ITPR1: variants seen among roughly 807,000 people sequenced by gnomAD.
ITPR1 encodes inositol 1,4,5-trisphosphate-gated calcium channel ITPR1.
A neutral mutation model predicts 318.4 loss-of-function variants in ITPR1; 96 were observed. That is an observed-to-expected ratio of 0.30 (90% CI 0.26 to 0.36). The LOEUF is 0.36. Ranked by LOEUF, ITPR1 falls within the 10% of genes least tolerant of loss-of-function variation. The pLI is 1.00. For synonymous variants in ITPR1, 1,312 were observed against 1,289.9 expected, an observed-to-expected ratio of 1.02 and a Z score of -0.37; for missense variants, 2,440 against 3,460.2, an observed-to-expected ratio of 0.71 and a Z score of 7.40.
At chr3:4,552,639 C>T (rs186389576) in intron 4 of ITPR1, among the ~76,000 whole-genome samples, 30 of 152,228 alleles carry the variant, frequency 2.0e-4, no homozygotes, top group Non-Finnish European at 3.5e-4. Flanking sequence ...GAAGCTGGTC[C>T]TTTTGGGTTT....
chr3:4,631,202 G>C (rs181391934), intron 5 of ITPR1, among the ~76,000 whole-genome samples: 2 of 152,322 alleles, frequency 1.3e-5, no homozygotes, highest in East Asian at 3.9e-4. Flanking sequence ...ACCCTCTGTG[G>C]TTTTGATCGA....
In ITPR1 at chr3:4,678,370, CA is replaced by C. The variant is rs1462785813; in HGVS notation, c.2967+1572del. On this transcript the variant is annotated intron_variant, in intron 24 of 61. Transcript: ENST00000649015. Reference sequence around the variant, plus strand: ...TTTGCAGGCCATGGTCCATGTGTTCCAAAGTGGTGTCTTGGACGTTTATCAG... The same window carrying C: ...TTTGCAGGCCATGGTCCATGTGTTCCAAGTGGTGTCTTGGACGTTTATCAG... Among the ~76,000 whole-genome samples, 3 of 152,000 alleles carry C rather than the reference CA, an allele frequency of 2.0e-5. No homozygotes were observed. The East Asian group carries it at 5.8e-4, about 29-fold the overall frequency.
intron 40 of ITPR1, among the ~76,000 whole-genome samples, chr3:4,724,739 G>A (rs1211045106): frequency 4.6e-5 from 7 of 152,184 alleles, no homozygotes; most frequent in Non-Finnish European, 8.8e-5. Flanking sequence ...CCTTTGTGTA[G>A]CCCCTGCATG....
rs1441412290 is a variant in ITPR1, at chr3:4,502,977, T to G, written c.-17+8471T>G. ...GTGGGCACCTGTAGTCCCAGCTACTTGGGAGGCTGAGGCAGGAGAATTGCT... is the reference window on the plus strand; with the variant it reads ...GTGGGCACCTGTAGTCCCAGCTACTGGGGAGGCTGAGGCAGGAGAATTGCT... On this transcript the variant is annotated intron_variant, in intron 2 of 61. Coordinates refer to ENST00000649015, the MANE Select transcript of ITPR1 (RefSeq NM_001378452.1). 2.0e-5 allele frequency among the ~76,000 whole-genome samples: 3 copies of G among 151,772 alleles called. No individual in the cohort carries two copies. In the South Asian group the frequency reaches 6.2e-4, roughly 32 times the overall value.
intron 44 of ITPR1, among the ~76,000 whole-genome samples, chr3:4,740,629 AG>A (rs34728261): frequency 6.6e-6 from 1 of 152,192 alleles, no homozygotes; most frequent in African/African-American, 2.4e-5. Flanking sequence ...ATGGACTCCC[AG>A]GGGTGGTGTC....
chr3:4,771,799 G>A (rs1391775252), intron 46 of ITPR1, among the ~76,000 whole-genome samples: 1 of 152,220 alleles, frequency 6.6e-6, no homozygotes, highest in East Asian at 1.9e-4. Flanking sequence ...AGATTATCCA[G>A]TTCAGTGCTT....
intron 33 of ITPR1, among the ~76,000 whole-genome samples, chr3:4,694,879 C>T (rs889967915): frequency 6.6e-6 from 1 of 152,150 alleles, no homozygotes; most frequent in Non-Finnish European, 1.5e-5. Context: ...GTTTTCCCAC[C>T]ACCCTACAGA....
chr3:4,718,039 T>C (rs552604219), intron 40 of ITPR1, among the ~76,000 whole-genome samples: 27 of 152,344 alleles, frequency 1.8e-4, no homozygotes, highest in Admixed American at 6.5e-4. Flanking sequence ...TCTGTACTTA[T>C]ATATCAAGCT....
intron 4 of ITPR1, among the ~76,000 whole-genome samples, chr3:4,607,734 G>T (rs1048575829): frequency 5.3e-5 from 8 of 152,056 alleles, no homozygotes; most frequent in Non-Finnish European, 1.2e-4. Context: ...GCGCTGAGTT[G>T]CTTCTGGGTT....
chr3:4,706,044 C>T (rs2094749728), intron 36 of ITPR1, 123 bp from the exon 37 acceptor site: 1 of 915,100 alleles, frequency 1.1e-6, no homozygotes, highest in African/African-American at 1.6e-5. Flanking sequence ...AAGCTCAATA[C>T]CAGGCAAGCT....
chr3:4,820,948 A>AG (rs2049673348), intron 60 of ITPR1, among the ~76,000 whole-genome samples: 1 of 152,172 alleles, frequency 6.6e-6, no homozygotes. Flanking sequence ...AGAGGCTACA[A>AG]GACCACCTGT....
chr3:4,763,698 C>T (rs1166250868), intron 44 of ITPR1, among the ~76,000 whole-genome samples: 3 of 152,240 alleles, frequency 2.0e-5, no homozygotes, highest in Non-Finnish European at 4.4e-5. Context: ...GCGAAACAAA[C>T]CTAGTGACCG....
At chr3:4,493,865 C>A (rs1010253481) in intron 1 of ITPR1, among the ~76,000 whole-genome samples, 7 of 150,626 alleles carry the variant, frequency 4.6e-5, no homozygotes, top group Non-Finnish European at 8.8e-5. Flanking sequence ...GAAACTGTTG[C>A]TGCAGCTGCA....
chr3:4,800,268 G>C, intron 53 of ITPR1, 157 bp from the exon 54 acceptor site: 3 of 621,594 alleles, frequency 4.8e-6, no homozygotes, highest in Non-Finnish European at 8.1e-6. Context: ...AATGCTGATG[G>C]GACTGGTTAT....
At chr3:4,716,014 G>A (rs73095823) in intron 39 of ITPR1, among the ~76,000 whole-genome samples, 32,593 of 152,098 alleles carry the variant, frequency 0.21, 4,105 homozygotes, top group African/African-American at 0.35. Flanking sequence ...TTCTCAGATC[G>A]TTAAATATAA....
intron 2 of ITPR1, among the ~76,000 whole-genome samples, chr3:4,515,156 A>T (rs1156341777): frequency 2.6e-5 from 4 of 152,190 alleles, no homozygotes; most frequent in African/African-American, 4.8e-5. Flanking sequence ...TTTTCCCTGC[A>T]GCTTCTCATA....
At chr3:4,788,287 C>T (rs1389213656) in intron 52 of ITPR1, 148 bp downstream of exon 52, 3 of 677,574 alleles carry the variant, frequency 4.4e-6, no homozygotes, top group Non-Finnish European at 7.4e-6. Context: ...GAAGTCATAA[C>T]CAGTTTTGCA....
At chr3:4,698,607 G>A (rs996566815) in intron 34 of ITPR1, among the ~76,000 whole-genome samples, 15 of 152,130 alleles carry the variant, frequency 9.9e-5, no homozygotes, top group African/African-American at 3.6e-4. Flanking sequence ...ATTTGGCTGT[G>A]TTCCAATAAA....
intron 12 of ITPR1, among the ~76,000 whole-genome samples, chr3:4,656,003 G>T (rs563602277): frequency 6.6e-6 from 1 of 152,326 alleles, no homozygotes; most frequent in East Asian, 1.9e-4. Context: ...AACAGCTTCA[G>T]TGCCTGTGGT....
Sources: gnomAD v4.1 joint callset for allele counts (sites outside exome capture counted in the v4.1 genomes callset) on GRCh38, gnomAD v4.1.1 for gene constraint, MANE v1.5 for transcripts, NCBI Gene and HGNC (gene_info 2026-07-23, HGNC 2026-07-21) for gene names.